Variants in USH2A observed in about 807,000 individuals in gnomAD.
USH2A encodes the protein usherin.
Under a neutral mutation model 538.9 loss-of-function variants are expected in USH2A, and 443 were observed. The observed-to-expected ratio is 0.82, with a 90% CI of 0.76 to 0.89. The LOEUF is 0.89. USH2A is among the 40% of genes least tolerant of loss of function. USH2A has a pLI of 0.00. For missense variants in USH2A, 6,633 were observed against 6,324.8 expected (o/e 1.05, Z -1.65); for synonymous variants, 2,413 against 2,273.5 (o/e 1.06, Z -1.75).
At chr1:215,928,518 G>C (rs1666292183) in intron 38 of USH2A, among the ~76,000 whole-genome samples, 1 of 151,996 alleles carries the variant, frequency 6.6e-6, no homozygotes, top group African/African-American at 2.4e-5. Flanking sequence ...CAATCACTTA[G>C]ACATTTATGG....
chr1:215,762,841 A>T, intron 56 of USH2A, among the ~76,000 whole-genome samples: 1 of 152,168 alleles, frequency 6.6e-6, no homozygotes, highest in East Asian at 1.9e-4. Flanking sequence ...GGTGGGGTAA[A>T]CTAGCTGCAA....
At position 216,170,920 on chromosome 1, in the gene USH2A, GA is replaced by G. The variant is rs1203120879; in HGVS notation, c.4627+4331del. ...ATTTGCTATTTCTGTGTTGGAAGAA[GA>G]AAGTATTTTTAACCCCATGTAACTG... On this transcript the variant is annotated intron_variant, in intron 21 of 71. Coordinates refer to ENST00000307340, the MANE Select transcript of USH2A (RefSeq NM_206933.4). Among the ~76,000 whole-genome samples, 3 of 152,008 alleles carry G rather than the reference GA, an allele frequency of 2.0e-5. 1 individual carries two copies. The East Asian group carries it at 5.8e-4, about 29-fold the overall frequency.
chr1:215,679,370 G>A lies in USH2A; in HGVS notation c.12294+779C>T, dbSNP rs537817703. On this transcript the variant is annotated intron_variant, in intron 62 of 71. Coordinates refer to ENST00000307340, the MANE Select transcript of USH2A (RefSeq NM_206933.4). Reference sequence around the variant, plus strand: ...TGTCTATAGCAGCTGCAGGCTGGGGGACTCTGCAGTCCCAGCCCGCAGAAG... The same window carrying A: ...TGTCTATAGCAGCTGCAGGCTGGGGAACTCTGCAGTCCCAGCCCGCAGAAG... 2.0e-5 allele frequency among the ~76,000 whole-genome samples: 3 copies of A among 152,300 alleles called. No individual in the cohort carries two copies. The South Asian group carries it at 6.2e-4, about 32-fold the overall frequency.
At position 216,321,971 on chromosome 1, in the gene USH2A, T is replaced by C. The variant is rs199672621; in HGVS notation, c.1556A>G (p.Gln519Arg). ...GCAGTTATCGGCATGACCATGGCAC[T>C]GACATCTGCAAACATGAGCATCACA... ...VDEITISGRC[Q>R]CHGHADNCDT... is the part of the protein sequence containing the mutation. The change falls in exon 9 of 72, where the codon CAG (glutamine) becomes CGG (arginine). Residue 519 changes from glutamine to arginine, a missense_variant. By Grantham distance (43) the Gln-to-Arg change is conservative. Coordinates refer to ENST00000307340, the MANE Select transcript of USH2A (RefSeq NM_206933.4). 97 of 1,613,774 alleles carry C rather than the reference T, an allele frequency of 6.0e-5. No homozygotes were observed. Among genetic ancestry groups the C allele is most frequent in the Non-Finnish European group, 7.8e-5 (92 of 1,179,846 alleles).
rs1558033308 is a variant in USH2A at position 215,639,250 on chromosome 1, G to A, written c.14969-12C>T. On this transcript the variant is annotated splice_polypyrimidine_tract_variant and intron_variant, in intron 68 of 71. Transcript: ENST00000307340. Reference sequence around the variant, plus strand: ...CTGGAAAAAGAAGGCTAGACAAAAGGAAGAACTGGTAAATGACTTGTTCAT... The same window carrying A: ...CTGGAAAAAGAAGGCTAGACAAAAGAAAGAACTGGTAAATGACTTGTTCAT... The A allele has an allele frequency of 3.7e-6, 6 of 1,614,018 alleles. No homozygotes were observed. Among genetic ancestry groups the A allele is most frequent in the South Asian group, 1.1e-5 (1 of 91,078 alleles).
intron 3 of USH2A, among the ~76,000 whole-genome samples, chr1:216,367,818 A>G (rs531707716): frequency 6.6e-6 from 1 of 152,274 alleles, no homozygotes; most frequent in East Asian, 1.9e-4. Context: ...ACTGAGGTGG[A>G]TTTTTGCCAT....
At chr1:215,882,775 C>A (rs1664948235) in intron 41 of USH2A, among the ~76,000 whole-genome samples, 1 of 151,986 alleles carries the variant, frequency 6.6e-6, no homozygotes, top group African/African-American at 2.4e-5. Context: ...TATGGACACA[C>A]CCTATTATTT....
chr1:216,202,670 C>T (rs555252015), intron 16 of USH2A, among the ~76,000 whole-genome samples: 4 of 152,266 alleles, frequency 2.6e-5, no homozygotes, highest in African/African-American at 7.2e-5. Flanking sequence ...TAGCACTCCC[C>T]CATTGTACCA....
chr1:215,788,230 G>C (rs1319366200), intron 51 of USH2A, among the ~76,000 whole-genome samples: 1 of 152,154 alleles, frequency 6.6e-6, no homozygotes, highest in African/African-American at 2.4e-5. Context: ...AATGCAATGT[G>C]CTCAGTGATG....
chr1:216,010,859 C>T (rs961143221), intron 32 of USH2A, among the ~76,000 whole-genome samples: 3 of 151,822 alleles, frequency 2.0e-5, no homozygotes, highest in African/African-American at 4.8e-5. Flanking sequence ...GCCTCCTTTG[C>T]GTCCTCCTCT....
intron 42 of USH2A, among the ~76,000 whole-genome samples, chr1:215,878,393 A>G (rs1664827574): frequency 6.6e-6 from 1 of 152,194 alleles, no homozygotes; most frequent in Non-Finnish European, 1.5e-5. Flanking sequence ...ACAACATGCC[A>G]AAGAATTACT....
chr1:216,414,092 T>G (rs953461065), intron 3 of USH2A, among the ~76,000 whole-genome samples: 50 of 152,292 alleles, frequency 3.3e-4, no homozygotes, highest in Non-Finnish European at 5.1e-4. Flanking sequence ...ATCTTATAAC[T>G]ACAGCATGTG....
chr1:216,289,190 G>A (rs2036947734), intron 11 of USH2A, 90 bp downstream of exon 11: 2 of 1,577,902 alleles, frequency 1.3e-6, no homozygotes, highest in South Asian at 1.1e-5. Flanking sequence ...CCTGGCAAAT[G>A]CAGTCTTCAA....
chr1:215,659,725 A>G (rs1365347742), intron 64 of USH2A, among the ~76,000 whole-genome samples: 3 of 151,252 alleles, frequency 2.0e-5, no homozygotes, highest in Non-Finnish European at 2.9e-5. Flanking sequence ...CTGAGGATCC[A>G]GAATTGGTAA....
At chr1:215,909,402 G>A (rs1665718935) in intron 38 of USH2A, among the ~76,000 whole-genome samples, 1 of 151,830 alleles carries the variant, frequency 6.6e-6, no homozygotes, top group Admixed American at 6.6e-5. Context: ...TAAAGCCATA[G>A]GATGTACAAC....
intron 9 of USH2A, among the ~76,000 whole-genome samples, chr1:216,295,350 T>G (rs1405375516): frequency 6.6e-6 from 1 of 151,780 alleles, no homozygotes; most frequent in Admixed American, 6.6e-5. Context: ...TCATTAATAG[T>G]AAATAAAGCC....
At chr1:216,157,868 T>C (rs927584694) in intron 21 of USH2A, among the ~76,000 whole-genome samples, 6 of 152,150 alleles carry the variant, frequency 3.9e-5, no homozygotes, top group Non-Finnish European at 7.3e-5. Context: ...ACTTGCGTAA[T>C]GGAACCCATA....
chr1:216,092,363 G>C (rs1445778314), intron 22 of USH2A, among the ~76,000 whole-genome samples: 1 of 152,144 alleles, frequency 6.6e-6, no homozygotes, highest in Non-Finnish European at 1.5e-5. Context: ...GTATTCACTA[G>C]ATAATCTCGT....
At chr1:215,750,101 A>G (rs1459531318) in intron 58 of USH2A, among the ~76,000 whole-genome samples, 3 of 152,194 alleles carry the variant, frequency 2.0e-5, no homozygotes, top group Admixed American at 6.5e-5. Context: ...TCTAAGAGGA[A>G]AAACTATTAA....
Sources: allele counts gnomAD v4.1 joint callset (sites outside exome capture counted in the v4.1 genomes callset), GRCh38; gene constraint gnomAD v4.1.1; transcripts MANE v1.5; gene names NCBI Gene and HGNC (gene_info 2026-07-23, HGNC 2026-07-21).